LILRB3: variants seen among roughly 807,000 people sequenced by gnomAD.
LILRB3 encodes the protein leukocyte immunoglobulin like receptor B3.
A neutral mutation model predicts 68.2 loss-of-function variants in LILRB3; 32 were observed. The observed-to-expected ratio is 0.47, with a 90% CI of 0.35 to 0.63. The LOEUF is 0.63. LILRB3 is among the 30% of genes least tolerant of loss of function. The pLI is 0.00. For missense variants in LILRB3, 502 were observed against 791.3 expected, an observed-to-expected ratio of 0.63 and a Z score of 4.39; for synonymous variants, 185 against 323.1, an observed-to-expected ratio of 0.57 and a Z score of 4.58.
In LILRB3 at chr19:54,222,908, A is replaced by G. The variant is rs2078350229; in HGVS notation, c.34+35T>C. ...GTGTGTGGGGTGGGGTTCCTCCAAG[A>G]CTCGGATCTCCCCCTCCCCATCTTG... On this transcript the variant is annotated intron_variant, in intron 1 of 12. Coordinates refer to ENST00000445347, the Ensembl canonical transcript of LILRB3. The G allele has an allele frequency of 3.7e-6, 6 of 1,612,292 alleles. No individual in the cohort carries two copies. In the East Asian group the frequency reaches 1.3e-4, roughly 36 times the overall value.
chr19:54,218,632 C>G lies in LILRB3; in HGVS notation c.1540+13G>C, dbSNP rs564945207. ...TCTCCAGCACCCCCATTTGTCCCCT[C>G]TCTTCCTCTTACAGAGGTTTTCTTC... On this transcript the variant is annotated intron_variant, in intron 10 of 12. Transcript: ENST00000445347. 6.2e-7 allele frequency: 1 copy of G among 1,614,182 alleles called. No individual in the cohort carries two copies. The highest frequency in any genetic ancestry group is 1.3e-5 in the African/African-American group (1 of 75,046).
intron 8 of LILRB3, 25 bp downstream of exon 8, chr19:54,219,104 A>G (rs2077794840): frequency 1.3e-6 from 2 of 1,570,238 alleles, no homozygotes; most frequent in Admixed American, 1.9e-5. Context: ...CGGTCGACCC[A>G]TGGGTCCCCC....
intron 10 of LILRB3, 88 bp downstream of exon 10, chr19:54,218,557 G>C: frequency 6.2e-7 from 1 of 1,608,162 alleles, no homozygotes; most frequent in Non-Finnish European, 8.5e-7. Context: ...CGGAGCCCCA[G>C]ACCCTTCCCA....
chr19:54,219,025 G>C, intron 8 of LILRB3, 104 bp downstream of exon 8: 1 of 1,528,210 alleles, frequency 6.5e-7, no homozygotes, highest in Non-Finnish European at 8.8e-7. Context: ...CGTGCCCCTG[G>C]AACCGGTTTT....
At chr19:54,219,137 C>T (rs757847843) in exon 8 of LILRB3, 9 of 1,599,330 alleles carry the variant, frequency 5.6e-6, no homozygotes, top group Admixed American at 3.5e-5. Context: ...ACCAGATGTC[C>T]TGTGTTTGCT....
chr19:54,220,265 A>G, intron 6 of LILRB3, 60 bp from the exon 7 acceptor site: 1 of 1,258,216 alleles, frequency 7.9e-7, no homozygotes, highest in Non-Finnish European at 1.1e-6. Context: ...GCACCCTTCC[A>G]CTCCCACTCT....
At chr19:54,218,162 AG>A (rs2077678507) in intron 11 of LILRB3, among the ~76,000 whole-genome samples, 198 bp downstream of exon 11, 2 of 152,018 alleles carry the variant, frequency 1.3e-5, no homozygotes, top group African/African-American at 4.8e-5. Flanking sequence ...AGGAGCAGGA[AG>A]GGGACCCGGG....
rs2078326372 is a variant in LILRB3, at chr19:54,222,727, AC to A, written c.70+19del. 6.2e-7 allele frequency: 1 copy of A among 1,612,412 alleles called. No homozygotes were observed. Among genetic ancestry groups the A allele is most frequent in the Non-Finnish European group, 8.5e-7 (1 of 1,179,866 alleles). On this transcript the variant is annotated intron_variant, in intron 2 of 12. Coordinates refer to ENST00000445347, the Ensembl canonical transcript of LILRB3. Reference sequence around the variant, plus strand: ...TCCCAGTGAGGAGTAGGGACCTGGGACAGCTGGGGACAGACTCACCTGCCTG... The same window carrying A: ...TCCCAGTGAGGAGTAGGGACCTGGGAAGCTGGGGACAGACTCACCTGCCTG...
chr19:54,222,457 T>G (rs200199363), exon 3 of LILRB3: 3 of 1,523,232 alleles, frequency 2.0e-6, no homozygotes, highest in Non-Finnish European at 2.7e-6. Context: ...TTTATCCAGT[T>G]GGTACTCCTG....
rs905140827 is a variant in LILRB3 at position 54,218,933 on chromosome 19, C to T, written c.1427-95G>A. The T allele has an allele frequency of 1.0e-5, 16 of 1,581,036 alleles. No individual in the cohort carries two copies. The Admixed American group carries it at 2.0e-4, about 20-fold the overall frequency. On this transcript the variant is annotated intron_variant, in intron 8 of 12. Transcript: ENST00000445347. ...GGAAAGAAGGAAAACTAAAAATATT[C>T]CTGCATGGATGTTCCAAATATTTTA...
At position 54,222,103 on chromosome 19, in the gene LILRB3, G is replaced by T. The variant is rs371297628; in HGVS notation, c.383C>A (p.Ala128Asp). The T allele has an allele frequency of 1.7e-5, 27 of 1,609,860 alleles. No homozygotes were observed. In the Admixed American group the frequency reaches 1.8e-4, roughly 11 times the overall value. The change falls in exon 4 of 13, where the codon GCC becomes GAC. Residue 128 changes from alanine (A) to aspartate (D), a missense_variant. Ala to Asp is a moderately radical substitution (Grantham distance 126). Coordinates refer to ENST00000445347, the Ensembl canonical transcript of LILRB3. ...TGAGGCCACCACAGGGCTGGGCAGG[G>T]CTGAGAGGGTGGGTTTGTTGTAGAA...
chr19:54,222,814 C>G, intron 1 of LILRB3, 32 bp from the exon 2 acceptor site: 1 of 1,612,650 alleles, frequency 6.2e-7, no homozygotes, highest in Non-Finnish European at 8.5e-7. Context: ...GGCATTTGCC[C>G]TGAAGCCTGA....
At position 54,219,721 on chromosome 19, in the gene LILRB3, T is replaced by C. The variant is rs934329692; in HGVS notation, c.1309+434A>G. Reference sequence around the variant, plus strand: ...AAAGGAACTTTCCCACCCACAGGCCTCTCTCCTTTACACTTGGAGAAACTG... The same window carrying C: ...AAAGGAACTTTCCCACCCACAGGCCCCTCTCCTTTACACTTGGAGAAACTG... On this transcript the variant is annotated intron_variant, in intron 7 of 12. Coordinates refer to ENST00000445347, the Ensembl canonical transcript of LILRB3. The C allele has an allele frequency of 4.7e-6, 7 of 1,477,904 alleles. No homozygotes were observed. In the Admixed American group the frequency reaches 1.3e-4, roughly 27 times the overall value. The allele number at this position is 1,477,904 out of a possible 1,614,324, so 91.5% of individuals were successfully genotyped here. A position where few individuals can be genotyped will look rare whatever the true frequency, so the allele number is the denominator to read the frequency against.
At position 54,221,812 on chromosome 19, in the gene LILRB3, G is replaced by A; in HGVS notation, c.658+16C>T. ...CTGCCCCGAAAGTGTGTTAGACAAG[G>A]CCGTGGCTCCCTCACCTGAGGGCAG... On this transcript the variant is annotated intron_variant, in intron 4 of 12. Transcript: ENST00000445347. 6.3e-7 allele frequency: 1 copy of A among 1,595,232 alleles called. No homozygotes were observed. Among genetic ancestry groups the A allele is most frequent in the African/African-American group, 1.4e-5 (1 of 71,382 alleles).
At chr19:54,219,214 C>A (rs779707341) in exon 8 of LILRB3, 36 of 1,599,370 alleles carry the variant, frequency 2.3e-5, no homozygotes, top group Non-Finnish European at 3.0e-5. Flanking sequence ...CCACCGAGAC[C>A]CCAATCAAAA....
exon 6 of LILRB3, chr19:54,220,541 T>C (rs1132607): frequency 0.22 from 260,898 of 1,209,138 alleles, 25,791 homozygotes; most frequent in African/African-American, 0.48. Flanking sequence ...AGACCATGAG[T>C]TCCAGGGGCT....
rs1453732072 is a variant in LILRB3 at position 54,222,438 on chromosome 19, G to A, written c.195C>T (p.Ser65=). The A allele has an allele frequency of 1.4e-4, 231 of 1,605,152 alleles. No homozygotes were observed. In the South Asian group the frequency reaches 1.6e-3, roughly 11 times the overall value. Residue 65 remains serine, a synonymous_variant, in exon 3 of 13, where the codon AGC becomes AGT. Coordinates refer to ENST00000445347, the Ensembl canonical transcript of LILRB3. ...GGTTATTTCTGTCCCAGGGCTCTGG[G>A]CTTCCCTCTTTATCCAGTTGGTACT...
chr19:54,222,474 C>T (rs1442469214), exon 3 of LILRB3: 2 of 1,606,818 alleles, frequency 1.2e-6, no homozygotes, highest in Non-Finnish European at 1.7e-6. Flanking sequence ...CCTGGGCCTC[C>T]AGGCTCCCCT....
chr19:54,217,002 GGGTTCACTGGTGTCCACT>G (rs2147202851), exon 13 of LILRB3: 1 of 1,603,596 alleles, frequency 6.2e-7, no homozygotes, highest in East Asian at 2.2e-5. Context: ...AGGCTGACTG[GGGTTCACTGGTGTCCACT>G]GGGGGCAGCT....
Sources: allele counts gnomAD v4.1 joint callset (sites outside exome capture counted in the v4.1 genomes callset), GRCh38; gene constraint gnomAD v4.1.1; transcripts MANE v1.5; gene names NCBI Gene and HGNC (gene_info 2026-07-23, HGNC 2026-07-21).